FAM120AOS: variants seen among roughly 807,000 people sequenced by gnomAD.
The protein encoded by FAM120AOS is uncharacterized protein FAM120AOS.
Under a neutral mutation model 20.2 loss-of-function variants are expected in FAM120AOS, and 15 were observed. The observed-to-expected ratio is 0.74, with a 90% CI of 0.50 to 1.15. The LOEUF is 1.15. Ranked by LOEUF, FAM120AOS falls within the 50% of genes most tolerant of loss-of-function variation. FAM120AOS has a pLI of 0.00. For missense variants in FAM120AOS, 327 were observed against 351.9 expected (o/e 0.93, Z 0.57); for synonymous variants, 154 against 154.0 (o/e 1.00, Z 0.00).
rs377565703 is a variant in FAM120AOS at position 93,444,510 on chromosome 9, C to A, written c.*3101G>T. Among the ~76,000 whole-genome samples the A allele has an allele frequency of 5.9e-5, 9 of 152,304 alleles. No homozygotes were observed. Among genetic ancestry groups the A allele is most frequent in the Middle Eastern group, 3.4e-3 (1 of 294 alleles). ...CTGTGTATGAGGGTTCCAGTTCTTC[C>A]ACATCCTTCTCAGCAAACAAGTTAA... is the stretch of plus-strand genomic sequence containing the variant. On this transcript the variant is annotated 3_prime_UTR_variant, in exon 3 of 3. Coordinates refer to ENST00000375412, the MANE Select transcript of FAM120AOS (RefSeq NM_198841.4).
chr9:93,453,275 C>T lies in FAM120AOS; in HGVS notation c.-566G>A, dbSNP rs993046674. 1.0e-6 allele frequency: 1 copy of T among 988,144 alleles called. No homozygotes were observed. Among genetic ancestry groups the T allele is most frequent in the Non-Finnish European group, 1.2e-6 (1 of 831,918 alleles). The allele number at this position is 988,144 out of a possible 1,614,324, so 61.2% of individuals were successfully genotyped here. A position where few individuals can be genotyped will look rare whatever the true frequency, so the allele number is the denominator to read the frequency against. On this transcript the variant is annotated 5_prime_UTR_variant, in exon 1 of 3. Coordinates refer to ENST00000375412, the MANE Select transcript of FAM120AOS (RefSeq NM_198841.4). ...GGTAATCAGAGCTCTATATCACCGG[C>T]CTCCTCTGGCCCTTTGGCAGAGGGC...
At position 93,452,896 on chromosome 9, in the gene FAM120AOS, A is replaced by G; in HGVS notation, c.-187T>C. 2.1e-6 allele frequency: 3 copies of G among 1,442,024 alleles called. No homozygotes were observed. The highest frequency in any genetic ancestry group is 2.7e-6 in the Non-Finnish European group (3 of 1,105,984). The allele number at this position is 1,442,024 out of a possible 1,614,324, so 89.3% of individuals were successfully genotyped here. A position where few individuals can be genotyped will look rare whatever the true frequency, so the allele number is the denominator to read the frequency against. ...CAGTGCTGCTGCCGCCGCCCTTGCC[A>G]ATGTTGTTAGCCCGGTGACAGCGAG... On this transcript the variant is annotated 5_prime_UTR_variant, in exon 1 of 3. Coordinates refer to ENST00000375412, the MANE Select transcript of FAM120AOS (RefSeq NM_198841.4). This position sits in a 1 kb window ranked among gnomAD's most constrained non-coding sequence, Gnocchi z 7.0.
rs754525933 is a variant in FAM120AOS, at chr9:93,447,689, T to A, written c.693A>T (p.Arg231Ser). 1.2e-6 allele frequency: 2 copies of A among 1,609,412 alleles called. No individual in the cohort carries two copies. Among genetic ancestry groups the A allele is most frequent in the Admixed American group, 1.7e-5 (1 of 59,034 alleles). Residue 231 changes from arginine (R) to serine (S), a missense_variant, in exon 3 of 3, where the codon AGA becomes AGT. Around this residue, in one of 3 missense-constraint regions of FAM120AOS, gnomAD observed 86 missense variants for 82.9 expected, o/e 1.04. Coordinates refer to ENST00000375412, the MANE Select transcript of FAM120AOS (RefSeq NM_198841.4). The part of the protein sequence containing the change: ...APILPVKKIS[R>S]SCSVNNKVSK... ...AGACTTTGTTATTGACAGAACAGCT[T>A]CTGGAAATCTGAAAAGAAAAAAAAA... is the stretch of plus-strand genomic sequence containing the variant.
In FAM120AOS at chr9:93,445,168, G is replaced by A. The variant is rs548787654; in HGVS notation, c.*2443C>T. Among the ~76,000 whole-genome samples, 33 of 152,020 alleles carry A rather than the reference G, an allele frequency of 2.2e-4. No homozygotes were observed. The highest frequency in any genetic ancestry group is 3.7e-4 in the Non-Finnish European group (25 of 68,010). ...TATCTTCTAGGACAGGGTACAGTAAGTCTTACCAAACATGTAAGACATGTT... is the reference window on the plus strand; with the variant it reads ...TATCTTCTAGGACAGGGTACAGTAAATCTTACCAAACATGTAAGACATGTT... On this transcript the variant is annotated 3_prime_UTR_variant, in exon 3 of 3. Coordinates refer to ENST00000375412, the MANE Select transcript of FAM120AOS (RefSeq NM_198841.4).
intron 1 of FAM120AOS, chr9:93,451,180 C>G (rs2131151713): frequency 3.9e-6 from 6 of 1,549,624 alleles, no homozygotes; most frequent in Non-Finnish European, 5.2e-6. Context: ...ACCCCGCAGT[C>G]AGTGTGGGCA....
rs374332978 is a variant in FAM120AOS at position 93,446,022 on chromosome 9, TAC to T, written c.*1587_*1588del. 4.8e-3 allele frequency among the ~76,000 whole-genome samples: 731 copies of T among 152,254 alleles called. 7 individuals are homozygous for T. Among genetic ancestry groups the T allele is most frequent in the African/African-American group, 0.017 (698 of 41,542 alleles). On this transcript the variant is annotated 3_prime_UTR_variant, in exon 3 of 3. Transcript: ENST00000375412. ...TCCCAGATTGGGCCAACTCTCCTTA[TAC>T]CACCACACCTGGGACCTGGGAGGAA... is the stretch of plus-strand genomic sequence containing the variant.
intron 1 of FAM120AOS, chr9:93,451,826 C>CGCCCGCCA: frequency 2.1e-6 from 2 of 968,136 alleles, no homozygotes; most frequent in Non-Finnish European, 2.4e-6. Context: ...CCGCCGCCCC[C>CGCCCGCCA]GCCCGCCAGC....
In FAM120AOS at chr9:93,452,015, G is replaced by A; in HGVS notation, c.563+132C>T. On this transcript the variant is annotated intron_variant, in intron 1 of 2. Coordinates refer to ENST00000375412, the MANE Select transcript of FAM120AOS (RefSeq NM_198841.4). The surrounding 1 kb of genome is among the most constrained non-coding windows in gnomAD (Gnocchi z 7.0). Reference sequence around the variant, plus strand: ...GCTGGCCCGGGGCAGCCTGGTGGGCGGCGGGCGGCAGCGGCCCCCGCAGAC... The same window carrying A: ...GCTGGCCCGGGGCAGCCTGGTGGGCAGCGGGCGGCAGCGGCCCCCGCAGAC... The A allele has an allele frequency of 1.3e-6, 2 of 1,556,810 alleles. No individual in the cohort carries two copies. The highest frequency in any genetic ancestry group is 8.7e-7 in the Non-Finnish European group (1 of 1,151,652).
At chr9:93,451,092 C>G (rs1412546101) in intron 1 of FAM120AOS, 2 of 1,550,614 alleles carry the variant, frequency 1.3e-6, no homozygotes, top group Non-Finnish European at 1.7e-6. Context: ...GAGCACCTGC[C>G]GCGGAACTGC....
chr9:93,450,899 A>G, intron 1 of FAM120AOS: 1 of 1,005,452 alleles, frequency 9.9e-7, no homozygotes, highest in Admixed American at 2.0e-5. Flanking sequence ...GTTTCAGTCT[A>G]GCCATTGCGC....
Position 93,446,789 on chromosome 9 carries a change from C to T in FAM120AOS, c.*822G>A, listed in dbSNP as rs536171660. On this transcript the variant is annotated 3_prime_UTR_variant, in exon 3 of 3. Transcript: ENST00000375412. ...CCACATAGATATTTTTGCATCAGCCCAAAGCTATTTGGACACAAGTTTGGT... is the reference window on the plus strand; with the variant it reads ...CCACATAGATATTTTTGCATCAGCCTAAAGCTATTTGGACACAAGTTTGGT... 1 of 151,944 alleles carries T rather than the reference C, an allele frequency of 6.6e-6. No individual in the cohort carries two copies. The highest frequency in any genetic ancestry group is 1.5e-5 in the Non-Finnish European group (1 of 68,046). The allele number at this position is 151,944 out of a possible 1,614,324, so 9.4% of individuals were successfully genotyped here.
intron 1 of FAM120AOS, chr9:93,451,099 C>T: frequency 1.9e-6 from 3 of 1,550,652 alleles, no homozygotes; most frequent in Middle Eastern, 1.7e-4. Flanking sequence ...TGCCGCGGAA[C>T]TGCATTCTCG....
intron 2 of FAM120AOS, 152 bp from the exon 3 acceptor site, chr9:93,447,849 C>A: frequency 1.5e-6 from 1 of 666,596 alleles, no homozygotes. Context: ...GATAGCAGAG[C>A]CTGAAGACCA....
intron 1 of FAM120AOS, chr9:93,451,191 G>A: frequency 6.5e-7 from 1 of 1,548,966 alleles, no homozygotes; most frequent in Non-Finnish European, 8.7e-7. Context: ...AGTGTGGGCA[G>A]CAGGCCCAGA....
At chr9:93,451,531 T>TCCGCCG (rs1027486553) in intron 1 of FAM120AOS, 14 of 990,208 alleles carry the variant, frequency 1.4e-5, no homozygotes, top group Non-Finnish European at 1.7e-5. Flanking sequence ...GGCCTCCGCC[T>TCCGCCG]CCGCCGCCGC....
At position 93,453,000 on chromosome 9, in the gene FAM120AOS, T is replaced by C. The variant is rs1857347726; in HGVS notation, c.-291A>G. 5.6e-6 allele frequency: 7 copies of C among 1,254,592 alleles called. No individual in the cohort carries two copies. Among genetic ancestry groups the C allele is most frequent in the Non-Finnish European group, 6.0e-6 (6 of 997,042 alleles). 77.7% of individuals were successfully genotyped at this position (1,254,592 alleles called of 1,614,324 possible). A position where few individuals can be genotyped will look rare whatever the true frequency, so the allele number is the denominator to read the frequency against. On this transcript the variant is annotated 5_prime_UTR_variant, in exon 1 of 3. Transcript: ENST00000375412. This position sits in a 1 kb window ranked among gnomAD's most constrained non-coding sequence, Gnocchi z 7.0. ...CGTGTTCCTCTTAGTACAGGGTGTT[T>C]AGAGAATCTTTCTATGGCTTTTTGT...
chr9:93,450,932 C>A, intron 1 of FAM120AOS: 1 of 1,274,608 alleles, frequency 7.8e-7, no homozygotes, highest in South Asian at 1.3e-5. Context: ...GGCTTTCCCA[C>A]GCTGCAACAG....
At chr9:93,450,655 CTT>C (rs1443706930) in intron 1 of FAM120AOS, 56 bp from the exon 2 acceptor site, 30 of 1,603,090 alleles carry the variant, frequency 1.9e-5, no homozygotes, top group Non-Finnish European at 1.7e-5. Context: ...CACTTTAAAA[CTT>C]TTAGAGTGCT....
rs1415923912 is a variant in FAM120AOS, at chr9:93,445,810, A to C, written c.*1801T>G. Among the ~76,000 whole-genome samples, 1 of 152,122 alleles carries C rather than the reference A, an allele frequency of 6.6e-6. No homozygotes were observed. The highest frequency in any genetic ancestry group is 2.4e-5 in the African/African-American group (1 of 41,414). ...ATCATGTTGCCTCAAGAAAAATAAC[A>C]TCATGGTAATACTAAGTCTTTTATC... On this transcript the variant is annotated 3_prime_UTR_variant, in exon 3 of 3. Transcript: ENST00000375412.
Sources: allele counts gnomAD v4.1 joint callset (sites outside exome capture counted in the v4.1 genomes callset), GRCh38; gene constraint gnomAD v4.1.1; regional missense constraint gnomAD v4.1.1; non-coding constraint Gnocchi (gnomAD v3.1); transcripts MANE v1.5; gene names NCBI Gene and HGNC (gene_info 2026-07-23, HGNC 2026-07-21).